Variants in RALGAPA1 observed in about 807,000 individuals in gnomAD.
RALGAPA1 encodes ral GTPase-activating protein subunit alpha-1.
In RALGAPA1, 52 loss-of-function variants were observed where a neutral mutation model predicts 269.6. The ratio of observed to expected loss-of-function variants is 0.19; its 90% CI spans 0.15 to 0.24. RALGAPA1 has a LOEUF of 0.24. Ranked by LOEUF, RALGAPA1 falls within the 10% of genes least tolerant of loss-of-function variation. The pLI, the probability that RALGAPA1 is intolerant of heterozygous loss-of-function variation, is 1.00. For missense variants in RALGAPA1, 1,917 were observed against 3,013.9 expected (o/e 0.64, Z 8.52); for synonymous variants, 817 against 1,008.3 (o/e 0.81, Z 3.60).
At chr14:35,612,549 T>C (rs531513905) in intron 35 of RALGAPA1, among the ~76,000 whole-genome samples, 3 of 150,822 alleles carry the variant, frequency 2.0e-5, no homozygotes, top group African/African-American at 7.3e-5. Flanking sequence ...TTCTTTTTTT[T>C]TTTTTTTGAG....
At position 35,775,731 on chromosome 14, in the gene RALGAPA1, T is replaced by C. The variant is rs763134649; in HGVS notation, c.121A>G (p.Ile41Val). 10 of 1,554,286 alleles carry C rather than the reference T, an allele frequency of 6.4e-6. No homozygotes were observed. In the South Asian group the frequency reaches 1.3e-4, roughly 20 times the overall value. The change falls in exon 2 of 42, where the codon ATT becomes GTT. Residue 41 changes from isoleucine (I) to valine (V), a missense_variant. By Grantham distance (29) the Ile-to-Val change is conservative (BLOSUM62 3). Around this residue, in one of 11 missense-constraint regions of RALGAPA1, gnomAD observed 462 missense variants for 725.6 expected, o/e 0.64. Coordinates refer to ENST00000680220, the MANE Select transcript of RALGAPA1 (RefSeq NM_001346249.2). ...LRIVIENAES[I>V]DLKQFFDQHF... The stretch of plus-strand genomic sequence containing the variant: ...TGGTCGAAAAACTGTTTAAGATCAA[T>C]AGATTCTGCATTCTCTGAAAAATAA...
At chr14:35,675,567 T>C (rs2140287619) in intron 22 of RALGAPA1, among the ~76,000 whole-genome samples, 1 of 152,310 alleles carries the variant, frequency 6.6e-6, no homozygotes, top group East Asian at 1.9e-4. Context: ...ATAAGAAACA[T>C]AGGTAATCTT....
intron 41 of RALGAPA1, among the ~76,000 whole-genome samples, chr14:35,543,110 A>G (rs2054156923): frequency 6.6e-6 from 1 of 152,216 alleles, no homozygotes; most frequent in Non-Finnish European, 1.5e-5. Context: ...CATAGGTTAG[A>G]CAGTCCTAGA....
At chr14:35,767,021 A>C in intron 4 of RALGAPA1, 1 of 361,636 alleles carries the variant, frequency 2.8e-6, no homozygotes, top group Non-Finnish European at 5.4e-6. Flanking sequence ...AAAACAAGTA[A>C]AGTTTCCTGT....
chr14:35,651,291 A>G (rs886641458), intron 31 of RALGAPA1, among the ~76,000 whole-genome samples: 8 of 152,182 alleles, frequency 5.3e-5, no homozygotes, highest in Non-Finnish European at 7.4e-5. Context: ...TAAAAACAAA[A>G]CAAAAAGTAA....
At chr14:35,681,110 T>C (rs542638265) in intron 21 of RALGAPA1, among the ~76,000 whole-genome samples, 2 of 152,338 alleles carry the variant, frequency 1.3e-5, no homozygotes, top group East Asian at 1.9e-4. Flanking sequence ...GGAAAATAGA[T>C]GATTTCAGGA....
chr14:35,751,898 T>C (rs112935293), intron 8 of RALGAPA1, 126 bp downstream of exon 8: 13 of 1,325,162 alleles, frequency 9.8e-6, no homozygotes, highest in African/African-American at 7.7e-5. Context: ...CTAGGTATCA[T>C]ATCTATACCA....
rs754799706 is a variant in RALGAPA1 at position 35,728,418 on chromosome 14, G to A, written c.1680C>T (p.Arg560=). The A allele has an allele frequency of 6.3e-7, 1 of 1,599,932 alleles. No homozygotes were observed. The highest frequency in any genetic ancestry group is 1.1e-5 in the South Asian group (1 of 87,172). ...CCATGTACCGATAAATGTTAAGAAT[G>A]CGTTTACACATATCTGTGTGTTCAT... ...LLDEHTDMCK[R]ILNIYRYMVV... is the part of the protein sequence containing the mutation. The change falls in exon 13 of 42, where the codon CGC becomes CGT. Residue 560 remains arginine, a synonymous_variant. Coordinates refer to ENST00000680220, the MANE Select transcript of RALGAPA1 (RefSeq NM_001346249.2).
In RALGAPA1 at chr14:35,704,066, CTTAT is replaced by C. The variant is rs1219517821; in HGVS notation, c.2267-3768_2267-3765del. On this transcript the variant is annotated intron_variant, in intron 16 of 41. Transcript: ENST00000680220. ...TTCCAAAATATGATACATTTTCCTC[CTTAT>C]TTATTAAAATTCACATTATGTATAC... Among the ~76,000 whole-genome samples, 5 of 152,198 alleles carry C rather than the reference CTTAT, an allele frequency of 3.3e-5. No homozygotes were observed. The East Asian group carries it at 9.6e-4, about 29-fold the overall frequency.
intron 16 of RALGAPA1, among the ~76,000 whole-genome samples, chr14:35,702,157 A>G (rs541194287): frequency 2.3e-4 from 35 of 152,292 alleles, no homozygotes; most frequent in African/African-American, 7.9e-4. Context: ...TAAGTGCAAT[A>G]ATTTTTTACT....
intron 6 of RALGAPA1, among the ~76,000 whole-genome samples, chr14:35,758,243 C>CAAAAAAAAAAAAAA (rs66473514): frequency 1.2e-4 from 6 of 49,738 alleles, no homozygotes; most frequent in East Asian, 5.1e-4. Flanking sequence ...GACTCTGTCT[C>CAAAAAAAAAAAAAA]AAAAAAAAAA....
At chr14:35,573,379 T>C (rs547941230) in intron 37 of RALGAPA1, among the ~76,000 whole-genome samples, 2 of 152,316 alleles carry the variant, frequency 1.3e-5, no homozygotes, top group South Asian at 4.1e-4. Flanking sequence ...TAATGCATTT[T>C]ATTATAAAAT....
chr14:35,741,261 T>G (rs2071519488), intron 11 of RALGAPA1, among the ~76,000 whole-genome samples: 1 of 152,190 alleles, frequency 6.6e-6, no homozygotes, highest in Admixed American at 6.5e-5. Context: ...CAAATTCTTT[T>G]TAAACTCATA....
At chr14:35,603,061 A>G (rs1250432211) in intron 36 of RALGAPA1, among the ~76,000 whole-genome samples, 1 of 152,130 alleles carries the variant, frequency 6.6e-6, no homozygotes, top group Non-Finnish European at 1.5e-5. Context: ...TATGGGGTCT[A>G]TTTGTGGACT....
intron 39 of RALGAPA1, among the ~76,000 whole-genome samples, chr14:35,558,425 C>T (rs565884458): frequency 5.5e-4 from 83 of 152,142 alleles, no homozygotes; most frequent in Admixed American, 8.5e-4. Flanking sequence ...ATCCACTTCA[C>T]CTCAATTAAA....
chr14:35,610,593 T>G (rs2059871238), intron 35 of RALGAPA1, among the ~76,000 whole-genome samples: 1 of 152,142 alleles, frequency 6.6e-6, no homozygotes, highest in Non-Finnish European at 1.5e-5. Flanking sequence ...AAAGACACAA[T>G]TTCTAAAACC....
chr14:35,743,020 C>T (rs1183771776), intron 10 of RALGAPA1, among the ~76,000 whole-genome samples: 1 of 152,122 alleles, frequency 6.6e-6, no homozygotes, highest in Non-Finnish European at 1.5e-5. Flanking sequence ...CCCCAACACT[C>T]ACCCGGACTG....
intron 1 of RALGAPA1, among the ~76,000 whole-genome samples, chr14:35,805,719 C>G (rs2077322703): frequency 6.9e-6 from 1 of 145,624 alleles, no homozygotes; most frequent in Admixed American, 7.1e-5. Flanking sequence ...GAGTCTCGCT[C>G]TGTTGCCCAG....
At chr14:35,628,876 C>T (rs958266323) in intron 33 of RALGAPA1, among the ~76,000 whole-genome samples, 9 of 151,332 alleles carry the variant, frequency 5.9e-5, no homozygotes, top group African/African-American at 1.5e-4. Flanking sequence ...CATATTCATA[C>T]GAGTAACTAA....
Sources: gnomAD v4.1 joint callset for allele counts (sites outside exome capture counted in the v4.1 genomes callset) on GRCh38, gnomAD v4.1.1 for gene constraint, gnomAD v4.1.1 regional missense constraint, MANE v1.5 for transcripts, NCBI Gene and HGNC (gene_info 2026-07-23, HGNC 2026-07-21) for gene names.